The following JADE1 variants were observed in gnomAD, a reference collection of about 807,000 sequenced individuals.
JADE1 encodes jade family PHD finger 1, also known as protein Jade-1.
A neutral mutation model predicts 81.8 loss-of-function variants in JADE1; 14 were observed. The observed-to-expected ratio is 0.17, with a 90% CI of 0.11 to 0.27. The LOEUF (loss-of-function observed/expected upper bound fraction) is 0.27, where lower values mean the gene tolerates loss of function less well. Ranked by LOEUF, JADE1 falls within the 10% of genes least tolerant of loss-of-function variation. The pLI, the probability that JADE1 is intolerant of heterozygous loss-of-function variation, is 1.00. For synonymous variants in JADE1, 353 were observed against 391.9 expected (o/e 0.90, Z 1.17); for missense variants, 690 against 1,047.9 (o/e 0.66, Z 4.71).
chr4:128,816,012 CTT>C (rs11453084), intron 1 of JADE1, among the ~76,000 whole-genome samples: 5 of 144,654 alleles, frequency 3.5e-5, no homozygotes, highest in Non-Finnish European at 3.0e-5. Flanking sequence ...TTCAACAATA[CTT>C]TTTTTTTTTT....
At chr4:128,829,205 G>C (rs955636683) in intron 1 of JADE1, among the ~76,000 whole-genome samples, 5 of 152,182 alleles carry the variant, frequency 3.3e-5, no homozygotes, top group African/African-American at 1.2e-4. Context: ...GGGCTGGAGT[G>C]GGCTTACCCC....
chr4:128,814,071 T>C (rs1276106055), intron 1 of JADE1, among the ~76,000 whole-genome samples: 1 of 151,864 alleles, frequency 6.6e-6, no homozygotes, highest in Non-Finnish European at 1.5e-5. Flanking sequence ...CCTTCTTAGT[T>C]CTCCCCGCTT....
intron 9 of JADE1, chr4:128,863,601 G>A (rs1560777651): frequency 7.1e-6 from 7 of 985,292 alleles, no homozygotes; most frequent in Admixed American, 6.1e-5. Flanking sequence ...GGAAGGCCGC[G>A]GATTCCGGCC....
intron 2 of JADE1, among the ~76,000 whole-genome samples, chr4:128,833,386 A>G (rs1560740536): frequency 6.6e-6 from 1 of 152,230 alleles, no homozygotes; most frequent in African/African-American, 2.4e-5. Context: ...GCTTGAGTAC[A>G]TAATTTTGTC....
intron 7 of JADE1, 151 bp from the exon 8 acceptor site, chr4:128,857,186 GC>G: frequency 1.5e-6 from 1 of 674,292 alleles, no homozygotes; most frequent in East Asian, 2.5e-5. Context: ...CTGTTCTGAG[GC>G]TTTTAAAGTA....
intron 10 of JADE1, among the ~76,000 whole-genome samples, chr4:128,870,385 T>C (rs1244421126): frequency 1.3e-5 from 2 of 152,138 alleles, no homozygotes; most frequent in Non-Finnish European, 2.9e-5. Flanking sequence ...CCTTGTTTTC[T>C]TGGTGGCTCA....
At chr4:128,860,882 G>A (rs1480564450) in intron 8 of JADE1, among the ~76,000 whole-genome samples, 2 of 152,318 alleles carry the variant, frequency 1.3e-5, no homozygotes, top group Non-Finnish European at 1.5e-5. Flanking sequence ...GGCGTGCACC[G>A]ATCTCAGGGC....
chr4:128,860,877 G>C (rs147029275), intron 8 of JADE1, among the ~76,000 whole-genome samples: 1 of 152,300 alleles, frequency 6.6e-6, no homozygotes, highest in Non-Finnish European at 1.5e-5. Context: ...GGATCGGCGT[G>C]CACCGATCTC....
chr4:128,820,188 T>C (rs1269142141), intron 1 of JADE1, among the ~76,000 whole-genome samples: 2 of 152,082 alleles, frequency 1.3e-5, no homozygotes, highest in African/African-American at 4.8e-5. Flanking sequence ...CTTGGCTCAC[T>C]GCAACCTCCA....
At chr4:128,862,288 C>A in intron 9 of JADE1, 63 bp downstream of exon 9, 1 of 1,601,846 alleles carries the variant, frequency 6.2e-7, no homozygotes, top group South Asian at 1.1e-5. Context: ...GGCGAACGCT[C>A]GCCCAGAGCA....
Position 128,871,871 on chromosome 4 carries a change from C to G in JADE1, c.2138C>G (p.Thr713Arg). ...GGAGTGGGGCAGTCAGCACCTGGCA[C>G]AAGGAAGGAGATAGTGCCCAAGTGC... ...SPGVGQSAPG[T>R]RKEIVPKCNG... The change falls in exon 11 of 11, where the codon ACA becomes AGA. Residue 713 changes from threonine (T) to arginine (R), a missense_variant. Physicochemically the swap from Thr to Arg is moderately conservative, Grantham distance 71 (BLOSUM62 -1). Transcript: ENST00000226319. This position sits in a 1 kb window ranked among gnomAD's most constrained non-coding sequence, Gnocchi z 4.1. The G allele has an allele frequency of 6.2e-7, 1 of 1,614,054 alleles. No homozygotes were observed.
intron 1 of JADE1, among the ~76,000 whole-genome samples, chr4:128,817,925 A>T (rs1255930091): frequency 6.6e-6 from 1 of 152,118 alleles, no homozygotes; most frequent in Non-Finnish European, 1.5e-5. Context: ...GAGAACAGTG[A>T]TTTTTCTGCT....
chr4:128,868,241 T>C (rs1312270913), intron 10 of JADE1, among the ~76,000 whole-genome samples: 1 of 152,232 alleles, frequency 6.6e-6, no homozygotes, highest in African/African-American at 2.4e-5. Context: ...AATTTCTTCA[T>C]GTGCAAAATG....
intron 4 of JADE1, among the ~76,000 whole-genome samples, chr4:128,847,738 C>T (rs574076916): frequency 6.6e-6 from 1 of 152,198 alleles, no homozygotes; most frequent in Non-Finnish European, 1.5e-5. Flanking sequence ...AAGTTGGATC[C>T]CTGCTCTTGG....
intron 2 of JADE1, among the ~76,000 whole-genome samples, chr4:128,836,742 T>TG (rs907545036): frequency 1.3e-5 from 2 of 151,178 alleles, no homozygotes; most frequent in Non-Finnish European, 3.0e-5. Flanking sequence ...GCACTGTTTT[T>TG]TTTTTTTTTT....
chr4:128,849,211 T>A (rs757664875), intron 5 of JADE1, 44 bp downstream of exon 5: 1 of 1,515,496 alleles, frequency 6.6e-7, no homozygotes, highest in Non-Finnish European at 8.9e-7. Context: ...CAATGATGAA[T>A]AGAGACATTT....
chr4:128,830,204 A>G (rs1252282485), intron 1 of JADE1, among the ~76,000 whole-genome samples: 1 of 148,842 alleles, frequency 6.7e-6, no homozygotes, highest in African/African-American at 2.5e-5. Flanking sequence ...TCTCCACACC[A>G]TTCCTATGTG....
chr4:128,862,065 A>G lies in JADE1; in HGVS notation c.1343A>G (p.Asp448Gly). 6.2e-7 allele frequency: 1 copy of G among 1,614,146 alleles called. No homozygotes were observed. The highest frequency in any genetic ancestry group is 8.5e-7 in the Non-Finnish European group (1 of 1,180,032). The change falls in exon 9 of 11, where the codon GAT becomes GGT. Residue 448 changes from aspartate to glycine, a missense_variant. Around this residue, in one of 8 missense-constraint regions of JADE1, gnomAD observed 63 missense variants for 138.4 expected, o/e 0.46. Coordinates refer to ENST00000226319, the MANE Select transcript of JADE1 (RefSeq NM_199320.4). ...RALRLPEEVV[D>G]FLYQYWKLKR... ...CTGCGGCTGCCTGAGGAAGTAGTGG[A>G]TTTCCTGTACCAGTACTGGAAGTTG...
At chr4:128,824,434 A>AAGAGAAAGG (rs1727864535) in intron 1 of JADE1, among the ~76,000 whole-genome samples, 1 of 152,056 alleles carries the variant, frequency 6.6e-6, no homozygotes, top group Non-Finnish European at 1.5e-5. Flanking sequence ...AATAAAATAA[A>AAGAGAAAGG]AGAGAAAGGA....
Sources: allele counts gnomAD v4.1 joint callset (sites outside exome capture counted in the v4.1 genomes callset), GRCh38; gene constraint gnomAD v4.1.1; regional missense constraint gnomAD v4.1.1; non-coding constraint Gnocchi (gnomAD v3.1); transcripts MANE v1.5; gene names NCBI Gene and HGNC (gene_info 2026-07-23, HGNC 2026-07-21).